CNTNAP2: variants seen among roughly 807,000 people sequenced by gnomAD.
CNTNAP2 encodes the protein contactin associated protein 2.
A neutral mutation model predicts 155.2 loss-of-function variants in CNTNAP2; 98 were observed. The ratio of observed to expected loss-of-function variants is 0.63; its 90% confidence interval spans 0.54 to 0.75. The LOEUF (loss-of-function observed/expected upper bound fraction) is 0.75, where lower values mean the gene tolerates loss of function less well. CNTNAP2 is among the 30% of genes least tolerant of loss of function. The pLI is 0.00. For synonymous variants in CNTNAP2, 651 were observed against 631.2 expected (o/e 1.03, Z -0.47); for missense variants, 1,727 against 1,688.1 (o/e 1.02, Z -0.40).
In CNTNAP2 at chr7:147,247,987, A is replaced by C. The variant is rs1804103534; in HGVS notation, c.1349-52154A>C. ...TGATAAAGAGGAGGCCAGAAAGAAA[A>C]GAAAATACAGTTTCTCTCCTTTCAA... On this transcript the variant is annotated intron_variant, in intron 8 of 23. Transcript: ENST00000361727. Among the ~76,000 whole-genome samples, 3 of 152,220 alleles carry C rather than the reference A, an allele frequency of 2.0e-5. No individual in the cohort carries two copies. In the South Asian group the frequency reaches 6.2e-4, roughly 31 times the overall value.
chr7:146,860,256 G>A (rs1212872960), intron 3 of CNTNAP2, among the ~76,000 whole-genome samples: 1 of 152,194 alleles, frequency 6.6e-6, no homozygotes, highest in African/African-American at 2.4e-5. Context: ...GGTTGAGGGT[G>A]GTGAGACAGA....
rs189268077 is a variant in CNTNAP2 at position 147,369,502 on chromosome 7, T to C, written c.1499-26107T>C. ...ATAGTAAATCATTTCTCAAAATCGT[T>C]TCTGACTTTTCTTTCTCGCTCCCTT... On this transcript the variant is annotated intron_variant, in intron 9 of 23. Transcript: ENST00000361727. Among the ~76,000 whole-genome samples the C allele has an allele frequency of 2.7e-3, 416 of 152,336 alleles. 2 individuals carry two copies. The highest frequency in any genetic ancestry group is 9.7e-3 in the South Asian group (47 of 4,822).
At chr7:148,158,451 G>C (rs1187103907) in intron 17 of CNTNAP2, among the ~76,000 whole-genome samples, 1 of 151,970 alleles carries the variant, frequency 6.6e-6, no homozygotes, top group Non-Finnish European at 1.5e-5. Flanking sequence ...TCGATCTCTC[G>C]AGCTCATGAT....
intron 14 of CNTNAP2, among the ~76,000 whole-genome samples, chr7:147,906,481 A>AT (rs1268032998): frequency 1.3e-5 from 2 of 149,884 alleles, no homozygotes; most frequent in Non-Finnish European, 3.0e-5. Context: ...ATAGATCTTT[A>AT]TTTTTTTTAT....
intron 1 of CNTNAP2, among the ~76,000 whole-genome samples, chr7:146,574,002 G>T (rs1243214239): frequency 6.6e-6 from 1 of 152,128 alleles, no homozygotes; most frequent in African/African-American, 2.4e-5. Context: ...TGGAAACTTT[G>T]TTTCTGGATA....
intron 1 of CNTNAP2, among the ~76,000 whole-genome samples, chr7:146,412,131 C>T (rs999976462): frequency 6.6e-6 from 1 of 152,066 alleles, no homozygotes. Context: ...CCGCGCCCGG[C>T]CAACATTGTT....
chr7:148,035,347 T>C (rs960205525), intron 15 of CNTNAP2, among the ~76,000 whole-genome samples: 1 of 152,106 alleles, frequency 6.6e-6, no homozygotes, highest in African/African-American at 2.4e-5. Context: ...AGCCCAGAGC[T>C]CTAGGAGGGC....
chr7:147,745,815 C>A (rs1797032052), intron 13 of CNTNAP2, among the ~76,000 whole-genome samples: 1 of 152,210 alleles, frequency 6.6e-6, no homozygotes, highest in Admixed American at 6.5e-5. Context: ...TTCACAAGCG[C>A]AATCATTCTT....
intron 9 of CNTNAP2, among the ~76,000 whole-genome samples, chr7:147,386,600 A>T (rs1796630094): frequency 6.6e-6 from 1 of 152,160 alleles, no homozygotes; most frequent in Admixed American, 6.5e-5. Flanking sequence ...CAAGTTCCTC[A>T]TCTCCATCTG....
At chr7:146,427,363 T>C (rs1252244818) in intron 1 of CNTNAP2, among the ~76,000 whole-genome samples, 1 of 152,200 alleles carries the variant, frequency 6.6e-6, no homozygotes, top group Non-Finnish European at 1.5e-5. Flanking sequence ...AATACCGCCA[T>C]TGTAGACATA....
intron 13 of CNTNAP2, among the ~76,000 whole-genome samples, chr7:147,714,126 C>A (rs529636093): frequency 3.3e-5 from 5 of 152,152 alleles, no homozygotes; most frequent in African/African-American, 1.2e-4. Flanking sequence ...TATGAATGTG[C>A]TGGGTGGTAT....
At chr7:146,633,832 GAA>G (rs60993956) in intron 1 of CNTNAP2, among the ~76,000 whole-genome samples, 65 of 79,028 alleles carry the variant, frequency 8.2e-4, no homozygotes, top group African/African-American at 3.7e-3. Flanking sequence ...TGCATCTAGA[GAA>G]AAAAAAAAAA....
chr7:147,958,862 T>A (rs1307825507), intron 14 of CNTNAP2, among the ~76,000 whole-genome samples: 1 of 152,116 alleles, frequency 6.6e-6, no homozygotes. Context: ...TGCATATGAA[T>A]TACCTGGCAC....
intron 2 of CNTNAP2, among the ~76,000 whole-genome samples, chr7:146,793,191 A>G (rs775457065): frequency 1.3e-5 from 2 of 152,232 alleles, no homozygotes; most frequent in Non-Finnish European, 2.9e-5. Context: ...TACTTCATCT[A>G]TATTTAAATT....
chr7:147,775,937 G>A (rs562729638), intron 13 of CNTNAP2, among the ~76,000 whole-genome samples: 1 of 152,260 alleles, frequency 6.6e-6, no homozygotes, highest in Non-Finnish European at 1.5e-5. Context: ...AAATAATGAG[G>A]GAATGGATTT....
At chr7:147,507,056 T>C (rs1798919842) in intron 11 of CNTNAP2, among the ~76,000 whole-genome samples, 1 of 152,176 alleles carries the variant, frequency 6.6e-6, no homozygotes, top group Non-Finnish European at 1.5e-5. Context: ...TGGATGTTCA[T>C]GATCAGACCT....
chr7:146,253,185 GCTGCCATTTCCTCACTATACT>G (rs1420423379), intron 1 of CNTNAP2, among the ~76,000 whole-genome samples: 19 of 152,172 alleles, frequency 1.2e-4, no homozygotes, highest in African/African-American at 4.3e-4. Context: ...ACACAGAAGT[GCTGCCATTTCCTCACTATACT>G]CTACTATTTC....
At chr7:146,974,595 T>C (rs988964436) in intron 3 of CNTNAP2, among the ~76,000 whole-genome samples, 5 of 152,190 alleles carry the variant, frequency 3.3e-5, no homozygotes, top group Non-Finnish European at 1.5e-5. Flanking sequence ...AAGTTATCTC[T>C]CCAAATTGGA....
At chr7:146,737,879 A>G (rs969127064) in intron 1 of CNTNAP2, among the ~76,000 whole-genome samples, 1 of 152,180 alleles carries the variant, frequency 6.6e-6, no homozygotes, top group South Asian at 2.1e-4. Context: ...ATAGATAGAT[A>G]TACAAACACA....
Sources: gnomAD v4.1 joint callset for allele counts (sites outside exome capture counted in the v4.1 genomes callset) on GRCh38, gnomAD v4.1.1 for gene constraint, MANE v1.5 for transcripts, NCBI Gene and HGNC (gene_info 2026-07-23, HGNC 2026-07-21) for gene names.